Variants in CNTNAP2 observed in about 807,000 individuals in gnomAD.
The protein encoded by CNTNAP2 is contactin-associated protein-like 2.
In CNTNAP2, 98 loss-of-function variants were observed where a neutral mutation model predicts 155.2. The ratio of observed to expected loss-of-function variants is 0.63; its 90% confidence interval spans 0.54 to 0.75. CNTNAP2 has a LOEUF of 0.75. CNTNAP2 is among the 30% of genes least tolerant of loss of function. The pLI is 0.00. For synonymous variants in CNTNAP2, 651 were observed against 631.2 expected, an observed-to-expected ratio of 1.03 and a Z score of -0.47; for missense variants, 1,727 against 1,688.1, an observed-to-expected ratio of 1.02 and a Z score of -0.40.
intron 2 of CNTNAP2, among the ~76,000 whole-genome samples, chr7:146,830,472 A>G (rs1365378508): frequency 1.3e-4 from 20 of 152,126 alleles, no homozygotes; most frequent in Admixed American, 1.3e-3. Flanking sequence ...ATTTATATAT[A>G]TATATGTAAA....
intron 13 of CNTNAP2, among the ~76,000 whole-genome samples, chr7:147,876,529 G>T (rs1421388973): frequency 6.6e-6 from 1 of 152,178 alleles, no homozygotes; most frequent in Non-Finnish European, 1.5e-5. Flanking sequence ...AATAACACCA[G>T]ATAATGGGTA....
chr7:147,664,457 G>C (rs950379878), intron 13 of CNTNAP2, among the ~76,000 whole-genome samples: 5 of 152,112 alleles, frequency 3.3e-5, no homozygotes, highest in Admixed American at 1.3e-4. Flanking sequence ...GTGGAGTCTT[G>C]CTCTCCTTGC....
intron 3 of CNTNAP2, among the ~76,000 whole-genome samples, chr7:146,965,128 G>T (rs1225890980): frequency 2.0e-5 from 3 of 152,154 alleles, no homozygotes; most frequent in African/African-American, 7.2e-5. Context: ...CGGCAGGAAG[G>T]TGGGGTCCAT....
intron 13 of CNTNAP2, among the ~76,000 whole-genome samples, chr7:147,668,479 T>C (rs903633128): frequency 4.6e-5 from 7 of 152,196 alleles, no homozygotes; most frequent in African/African-American, 1.7e-4. Flanking sequence ...TCCATGGGTG[T>C]CAGTGCCCCT....
At chr7:146,264,592 C>T (rs940576958) in intron 1 of CNTNAP2, among the ~76,000 whole-genome samples, 3 of 152,094 alleles carry the variant, frequency 2.0e-5, no homozygotes, top group South Asian at 4.1e-4. Flanking sequence ...GCAATCCAAA[C>T]GTTGACAATG....
chr7:146,218,649 G>A (rs1244614463), intron 1 of CNTNAP2, among the ~76,000 whole-genome samples: 2 of 151,906 alleles, frequency 1.3e-5, no homozygotes, highest in East Asian at 3.9e-4. Flanking sequence ...AGTACTACTT[G>A]CTGACAACCA....
At chr7:148,346,304 C>G (rs1413691373) in intron 21 of CNTNAP2, among the ~76,000 whole-genome samples, 1 of 152,102 alleles carries the variant, frequency 6.6e-6, no homozygotes, top group Non-Finnish European at 1.5e-5. Flanking sequence ...TTAACATTTT[C>G]AGAATACGTG....
At chr7:147,716,895 CT>C (rs1448094411) in intron 13 of CNTNAP2, among the ~76,000 whole-genome samples, 1 of 152,100 alleles carries the variant, frequency 6.6e-6, no homozygotes, top group Non-Finnish European at 1.5e-5. Context: ...TATTTATATG[CT>C]TTATTACCAC....
chr7:146,214,507 A>G (rs762745996), intron 1 of CNTNAP2, among the ~76,000 whole-genome samples: 52 of 152,190 alleles, frequency 3.4e-4, no homozygotes, highest in Non-Finnish European at 6.8e-4. Flanking sequence ...AAGACACTCA[A>G]TAAATATTTA....
chr7:147,300,091 T>C (rs1794914148), intron 8 of CNTNAP2, 50 bp from the exon 9 acceptor site: 2 of 1,589,152 alleles, frequency 1.3e-6, no homozygotes, highest in Non-Finnish European at 1.7e-6. Flanking sequence ...GAAATTGTGT[T>C]CAGCTGGGTA....
At chr7:147,737,955 C>T (rs1796885298) in intron 13 of CNTNAP2, among the ~76,000 whole-genome samples, 1 of 152,334 alleles carries the variant, frequency 6.6e-6, no homozygotes, top group South Asian at 2.1e-4. Context: ...TCCCTGACCC[C>T]TTGCACTTCC....
intron 1 of CNTNAP2, among the ~76,000 whole-genome samples, chr7:146,489,965 G>T (rs534246555): frequency 3.9e-5 from 6 of 152,242 alleles, no homozygotes; most frequent in African/African-American, 1.4e-4. Context: ...TTAGGGAAAG[G>T]TAGGTATATG....
intron 11 of CNTNAP2, among the ~76,000 whole-genome samples, chr7:147,499,278 C>T (rs1321199144): frequency 2.0e-5 from 3 of 152,016 alleles, no homozygotes; most frequent in Non-Finnish European, 2.9e-5. Flanking sequence ...CCTGTAATCC[C>T]AGCACTTTGG....
At chr7:147,284,257 C>T (rs191110567) in intron 8 of CNTNAP2, among the ~76,000 whole-genome samples, 2 of 151,554 alleles carry the variant, frequency 1.3e-5, no homozygotes, top group South Asian at 4.2e-4. Flanking sequence ...AAGTAGTTAG[C>T]ATGAAAAGGA....
intron 8 of CNTNAP2, among the ~76,000 whole-genome samples, chr7:147,216,833 A>G (rs1481039078): frequency 1.3e-5 from 2 of 151,936 alleles, no homozygotes; most frequent in Non-Finnish European, 2.9e-5. Context: ...CTATCCATCT[A>G]TTTAGTTTGT....
intron 3 of CNTNAP2, among the ~76,000 whole-genome samples, chr7:146,882,082 G>T (rs887001551): frequency 6.6e-6 from 1 of 151,870 alleles, no homozygotes; most frequent in Non-Finnish European, 1.5e-5. Flanking sequence ...TTCTGTTCCC[G>T]CATTAATTAG....
At chr7:148,119,281 T>C (rs776266646) in intron 16 of CNTNAP2, among the ~76,000 whole-genome samples, 2 of 151,648 alleles carry the variant, frequency 1.3e-5, no homozygotes, top group Non-Finnish European at 2.9e-5. Flanking sequence ...CCCACCACTT[T>C]GGGAGGCTGA....
At chr7:147,958,093 CA>C (rs1411191911) in intron 14 of CNTNAP2, among the ~76,000 whole-genome samples, 2 of 152,034 alleles carry the variant, frequency 1.3e-5, no homozygotes, top group Non-Finnish European at 2.9e-5. Context: ...ACCAATAGGA[CA>C]TATTAATAAA....
At chr7:147,882,179 C>G (rs573860408) in intron 13 of CNTNAP2, among the ~76,000 whole-genome samples, 1 of 152,078 alleles carries the variant, frequency 6.6e-6, no homozygotes, top group South Asian at 2.1e-4. Context: ...AATAATAAAG[C>G]CAGAAACAGA....
Sources: gnomAD v4.1 joint callset for allele counts (sites outside exome capture counted in the v4.1 genomes callset) on GRCh38, gnomAD v4.1.1 for gene constraint, MANE v1.5 for transcripts, NCBI Gene and HGNC (gene_info 2026-07-23, HGNC 2026-07-21) for gene names.